CCSER1: variants seen among roughly 807,000 people sequenced by gnomAD.
The protein encoded by CCSER1 is serine-rich coiled-coil domain-containing protein 1.
In CCSER1, 41 loss-of-function variants were observed where a neutral mutation model predicts 82.0. That is an observed-to-expected ratio of 0.50 (90% CI 0.39 to 0.65). The LOEUF (loss-of-function observed/expected upper bound fraction) is 0.65, where lower values mean the gene tolerates loss of function less well. Among genes scored for constraint, CCSER1 ranks in the 30% least tolerant of loss-of-function variants. The pLI, the probability that CCSER1 is intolerant of heterozygous loss-of-function variation, is 0.00. For synonymous variants in CCSER1, 414 were observed against 383.9 expected (o/e 1.08, Z -0.92); for missense variants, 1,119 against 1,064.2 (o/e 1.05, Z -0.72).
chr4:90,328,818 T>A (rs1738707186), intron 3 of CCSER1, among the ~76,000 whole-genome samples: 1 of 152,040 alleles, frequency 6.6e-6, no homozygotes. Flanking sequence ...GAGGAGCTTG[T>A]GGTGTGCAGA....
At chr4:90,365,649 C>G (rs1005535768) in intron 3 of CCSER1, among the ~76,000 whole-genome samples, 2 of 151,778 alleles carry the variant, frequency 1.3e-5, no homozygotes, top group African/African-American at 4.8e-5. Flanking sequence ...CCTTTGAATA[C>G]TTACTATTTT....
intron 8 of CCSER1, among the ~76,000 whole-genome samples, chr4:90,885,470 A>C (rs1178542956): frequency 2.6e-5 from 4 of 152,230 alleles, no homozygotes; most frequent in Non-Finnish European, 5.9e-5. Flanking sequence ...TGATTCTGTG[A>C]GTTAGAAATT....
At chr4:90,785,832 T>A (rs1451583872) in intron 7 of CCSER1, among the ~76,000 whole-genome samples, 1 of 152,232 alleles carries the variant, frequency 6.6e-6, no homozygotes, top group Non-Finnish European at 1.5e-5. Flanking sequence ...GCTTTTCTAC[T>A]TGTAAAGTGT....
intron 5 of CCSER1, among the ~76,000 whole-genome samples, chr4:90,556,371 A>G (rs1421591776): frequency 6.6e-6 from 1 of 152,162 alleles, no homozygotes; most frequent in Non-Finnish European, 1.5e-5. Context: ...AATTGTGGAC[A>G]TCAGGTCTTA....
At chr4:91,496,616 ACGAAT>A (rs372273155) in intron 10 of CCSER1, among the ~76,000 whole-genome samples, 6,581 of 21,004 alleles carry the variant, frequency 0.31, 2,919 homozygotes, top group East Asian at 0.53. Flanking sequence ...ATATATATAC[ACGAAT>A]ATATATTTGA....
chr4:91,472,028 A>C (rs977790160), intron 10 of CCSER1, among the ~76,000 whole-genome samples: 1 of 151,924 alleles, frequency 6.6e-6, no homozygotes, highest in African/African-American at 2.4e-5. Flanking sequence ...TAACTAAGTT[A>C]TTAGTAAAAA....
chr4:90,961,422 T>G (rs1487615680), intron 9 of CCSER1, among the ~76,000 whole-genome samples: 1 of 152,158 alleles, frequency 6.6e-6, no homozygotes, highest in Non-Finnish European at 1.5e-5. Flanking sequence ...CCTTTAACCT[T>G]ATGAATCTGA....
intron 10 of CCSER1, among the ~76,000 whole-genome samples, chr4:91,349,649 T>C (rs1748332467): frequency 6.6e-6 from 1 of 152,056 alleles, no homozygotes; most frequent in African/African-American, 2.4e-5. Flanking sequence ...TGTCTTGAGG[T>C]CAGGCCTTTC....
At chr4:90,769,498 G>A (rs2149555951) in intron 7 of CCSER1, among the ~76,000 whole-genome samples, 1 of 152,244 alleles carries the variant, frequency 6.6e-6, no homozygotes, top group South Asian at 2.1e-4. Context: ...ACCTTATTAA[G>A]TAACTTCCAG....
intron 7 of CCSER1, among the ~76,000 whole-genome samples, chr4:90,772,350 A>C (rs1373187900): frequency 6.6e-6 from 1 of 152,168 alleles, no homozygotes. Context: ...TATTATAAAA[A>C]TTGAGACCAG....
At chr4:90,931,158 T>TAC (rs528206817) in intron 9 of CCSER1, among the ~76,000 whole-genome samples, 1 of 150,770 alleles carries the variant, frequency 6.6e-6, no homozygotes, top group Non-Finnish European at 1.5e-5. Context: ...CGTCTATTAA[T>TAC]ACACACACAC....
intron 10 of CCSER1, among the ~76,000 whole-genome samples, chr4:91,210,638 C>T (rs1436092792): frequency 1.3e-5 from 2 of 151,204 alleles, no homozygotes; most frequent in African/African-American, 4.9e-5. Flanking sequence ...AAAATAATTT[C>T]AAAATCTTCA....
chr4:91,344,647 GAA>G (rs540662448), intron 10 of CCSER1, among the ~76,000 whole-genome samples: 9,881 of 138,846 alleles, frequency 0.071, 1,075 homozygotes, highest in African/African-American at 0.24. Flanking sequence ...GTCTACAAAG[GAA>G]AAAAAAAAAG....
intron 7 of CCSER1, among the ~76,000 whole-genome samples, chr4:90,793,876 T>C (rs1199461713): frequency 1.3e-5 from 2 of 152,206 alleles, no homozygotes; most frequent in Non-Finnish European, 2.9e-5. Flanking sequence ...TGTGAGGTGG[T>C]GTCTCATTGT....
chr4:91,081,393 G>A (rs1722721122), intron 9 of CCSER1, among the ~76,000 whole-genome samples: 1 of 152,084 alleles, frequency 6.6e-6, no homozygotes, highest in East Asian at 1.9e-4. Flanking sequence ...CAATAAATTA[G>A]GTATTCATGG....
At chr4:91,153,556 G>T (rs147198433) in intron 10 of CCSER1, among the ~76,000 whole-genome samples, 1 of 152,022 alleles carries the variant, frequency 6.6e-6, no homozygotes, top group East Asian at 1.9e-4. Context: ...TCCTGTTGCT[G>T]GCAAGGAGCT....
chr4:90,646,390 G>A lies in CCSER1; in HGVS notation c.1932+18158G>A, dbSNP rs565769885. 2.0e-5 allele frequency among the ~76,000 whole-genome samples: 3 copies of A among 152,206 alleles called. No homozygotes were observed. In the East Asian group the frequency reaches 5.8e-4, roughly 29 times the overall value. Reference sequence around the variant, plus strand: ...ATATGTTCATTGGGTTTGAGTGTGTGTATTTGTATACACTGGGGTTTAGGA... The same window carrying A: ...ATATGTTCATTGGGTTTGAGTGTGTATATTTGTATACACTGGGGTTTAGGA... On this transcript the variant is annotated intron_variant, in intron 6 of 10. Transcript: ENST00000509176.
chr4:91,256,127 C>T (rs1313893569), intron 10 of CCSER1, among the ~76,000 whole-genome samples: 1 of 152,104 alleles, frequency 6.6e-6, no homozygotes, highest in Non-Finnish European at 1.5e-5. Flanking sequence ...GAAAAGAATG[C>T]ATTCCTGGTT....
At chr4:90,407,650 G>A (rs549533495) in intron 4 of CCSER1, among the ~76,000 whole-genome samples, 1 of 152,124 alleles carries the variant, frequency 6.6e-6, no homozygotes. Context: ...AGATGATCCA[G>A]AGGTGGAGCC....
Sources: allele counts gnomAD v4.1 joint callset (sites outside exome capture counted in the v4.1 genomes callset), GRCh38; gene constraint gnomAD v4.1.1; transcripts MANE v1.5; gene names NCBI Gene and HGNC (gene_info 2026-07-23, HGNC 2026-07-21).